Variants in HS6ST3 observed in about 807,000 individuals in gnomAD.
The protein encoded by HS6ST3 is heparan-sulfate 6-O-sulfotransferase 3.
A neutral mutation model predicts 36.7 loss-of-function variants in HS6ST3; 12 were observed. That is an observed-to-expected ratio of 0.33 (90% CI 0.21 to 0.53). The LOEUF (loss-of-function observed/expected upper bound fraction) is 0.53, where lower values mean the gene tolerates loss of function less well. HS6ST3 is among the 20% of genes least tolerant of loss of function. The probability of loss-of-function intolerance (pLI) is 0.95; values close to 1 mark genes in which losing one functional copy is unlikely to be tolerated. For synonymous variants in HS6ST3, 240 were observed against 257.5 expected (o/e 0.93, Z 0.65); for missense variants, 584 against 640.9 (o/e 0.91, Z 0.96).
chr13:96,409,337 T>C (rs2055495914), intron 1 of HS6ST3, among the ~76,000 whole-genome samples: 1 of 152,360 alleles, frequency 6.6e-6, no homozygotes, highest in South Asian at 2.1e-4. Flanking sequence ...ATAAAAATAT[T>C]TCTTTTATAT....
In HS6ST3 at chr13:96,213,527, ATTT is replaced by A. The variant is rs375188560; in HGVS notation, c.707+121974_707+121976del. ...TGGCCGACTGCCTCTGTGTAGGACAATTTTTTTTTTTTTTTTTTAGATGGAATC... is the reference window on the plus strand; with the variant it reads ...TGGCCGACTGCCTCTGTGTAGGACAATTTTTTTTTTTTTTTAGATGGAATC... On this transcript the variant is annotated intron_variant, in intron 1 of 1. Transcript: ENST00000376705. Among the ~76,000 whole-genome samples, 172 of 145,296 alleles carry A rather than the reference ATTT, an allele frequency of 1.2e-3. 1 individual carries two copies. The highest frequency in any genetic ancestry group is 4.0e-3 in the African/African-American group (159 of 39,578).
chr13:96,355,659 T>C (rs956409137), intron 1 of HS6ST3, among the ~76,000 whole-genome samples: 8 of 152,210 alleles, frequency 5.3e-5, no homozygotes. Flanking sequence ...CCATGAGTCA[T>C]AATTGTTTTG....
chr13:96,685,632 A>G (rs1434198949), intron 1 of HS6ST3, among the ~76,000 whole-genome samples: 2 of 152,068 alleles, frequency 1.3e-5, no homozygotes, highest in African/African-American at 4.8e-5. Flanking sequence ...TGTATGCACA[A>G]TGTCCACCCG....
At chr13:96,193,460 T>C (rs2054298269) in intron 1 of HS6ST3, among the ~76,000 whole-genome samples, 1 of 152,114 alleles carries the variant, frequency 6.6e-6, no homozygotes, top group African/African-American at 2.4e-5. Context: ...AAGGGAACTT[T>C]GGTATAAGCT....
chr13:96,595,939 T>A (rs555985233), intron 1 of HS6ST3, among the ~76,000 whole-genome samples: 1 of 152,286 alleles, frequency 6.6e-6, no homozygotes, highest in South Asian at 2.1e-4. Context: ...TGTTTTGAAT[T>A]AAAACAATTT....
At chr13:96,302,190 C>T (rs917382684) in intron 1 of HS6ST3, among the ~76,000 whole-genome samples, 2 of 151,926 alleles carry the variant, frequency 1.3e-5, no homozygotes, top group African/African-American at 4.8e-5. Flanking sequence ...AATTCTAAAA[C>T]TCTATTTGAC....
At chr13:96,145,721 C>G (rs2054054859) in intron 1 of HS6ST3, among the ~76,000 whole-genome samples, 1 of 152,082 alleles carries the variant, frequency 6.6e-6, no homozygotes, top group Non-Finnish European at 1.5e-5. Flanking sequence ...GACATGAAGT[C>G]CTTGCCCATG....
At chr13:96,367,073 C>T (rs1037863111) in intron 1 of HS6ST3, among the ~76,000 whole-genome samples, 11 of 152,242 alleles carry the variant, frequency 7.2e-5, no homozygotes, top group African/African-American at 2.4e-4. Flanking sequence ...TCATTATTAT[C>T]AGCATGAGAA....
intron 1 of HS6ST3, among the ~76,000 whole-genome samples, chr13:96,620,950 A>G (rs1002518034): frequency 3.9e-5 from 6 of 152,152 alleles, no homozygotes; most frequent in Non-Finnish European, 5.9e-5. Flanking sequence ...TTGCCAGTTC[A>G]CTGCTGAAAA....
intron 1 of HS6ST3, among the ~76,000 whole-genome samples, chr13:96,457,540 T>C (rs761263844): frequency 2.7e-4 from 41 of 152,150 alleles, no homozygotes; most frequent in Non-Finnish European, 4.9e-4. Context: ...TTTAATGGAA[T>C]TGCTTCTTAA....
At chr13:96,622,706 G>C (rs1187007471) in intron 1 of HS6ST3, among the ~76,000 whole-genome samples, 1 of 152,066 alleles carries the variant, frequency 6.6e-6, no homozygotes, top group Non-Finnish European at 1.5e-5. Context: ...AAGTCACAAT[G>C]ATTAAGTTTT....
chr13:96,398,912 C>T (rs2055435318), intron 1 of HS6ST3, among the ~76,000 whole-genome samples: 2 of 152,338 alleles, frequency 1.3e-5, no homozygotes, highest in Middle Eastern at 3.4e-3. Context: ...ACAGAGACCT[C>T]AGGAACTGCA....
chr13:96,447,795 G>T (rs2055706604), intron 1 of HS6ST3, among the ~76,000 whole-genome samples: 1 of 152,176 alleles, frequency 6.6e-6, no homozygotes, highest in Admixed American at 6.5e-5. Flanking sequence ...CCTGCAGTAG[G>T]AGTTTCCTCT....
intron 1 of HS6ST3, among the ~76,000 whole-genome samples, chr13:96,145,119 T>C (rs943362074): frequency 1.7e-5 from 2 of 119,250 alleles, no homozygotes; most frequent in Admixed American, 1.7e-4. Flanking sequence ...CGTGTGCGTG[T>C]GCATGTGTCT....
intron 1 of HS6ST3, among the ~76,000 whole-genome samples, chr13:96,233,592 C>G (rs1241867287): frequency 6.6e-6 from 1 of 151,946 alleles, no homozygotes; most frequent in East Asian, 1.9e-4. Context: ...GAAGATAAAG[C>G]CAGTTATGAG....
At chr13:96,820,002 G>A (rs1324564877) in intron 1 of HS6ST3, among the ~76,000 whole-genome samples, 4 of 152,088 alleles carry the variant, frequency 2.6e-5, no homozygotes, top group African/African-American at 9.7e-5. Flanking sequence ...TTTGAACCTG[G>A]GAGGCAGAGT....
intron 1 of HS6ST3, among the ~76,000 whole-genome samples, chr13:96,604,082 G>A (rs569784885): frequency 3.3e-5 from 5 of 152,160 alleles, no homozygotes; most frequent in Non-Finnish European, 7.4e-5. Context: ...GGTAAGAGCT[G>A]TGCATTTCAA....
chr13:96,118,726 C>T (rs1303664721), intron 1 of HS6ST3, among the ~76,000 whole-genome samples: 3 of 84,370 alleles, frequency 3.6e-5, no homozygotes, highest in East Asian at 3.8e-4. Context: ...TTTTTTGAGA[C>T]GGAGTCTCGC....
chr13:96,261,260 A>C (rs2054665179), intron 1 of HS6ST3, among the ~76,000 whole-genome samples: 1 of 148,756 alleles, frequency 6.7e-6, no homozygotes, highest in East Asian at 1.9e-4. Context: ...AAAGTCATGA[A>C]TATATATATA....
Sources: allele counts gnomAD v4.1 joint callset (sites outside exome capture counted in the v4.1 genomes callset), GRCh38; gene constraint gnomAD v4.1.1; transcripts MANE v1.5; gene names NCBI Gene and HGNC (gene_info 2026-07-23, HGNC 2026-07-21).